Variants in SRBD1 observed in about 807,000 individuals in gnomAD.
SRBD1 encodes the protein S1 RNA-binding domain-containing protein 1.
In SRBD1, 88 loss-of-function variants were observed where a neutral mutation model predicts 115.3. The ratio of observed to expected loss-of-function variants is 0.76; its 90% CI spans 0.64 to 0.91. The LOEUF is 0.91. Ranked by LOEUF, SRBD1 falls within the 40% of genes least tolerant of loss-of-function variation. The probability of loss-of-function intolerance (pLI) is 0.00; values close to 1 mark genes in which losing one functional copy is unlikely to be tolerated. For synonymous variants in SRBD1, 509 were observed against 407.7 expected, an observed-to-expected ratio of 1.25 and a Z score of -2.99; for missense variants, 1,385 against 1,177.4, an observed-to-expected ratio of 1.18 and a Z score of -2.58.
intron 1 of SRBD1, among the ~76,000 whole-genome samples, chr2:45,606,884 T>G (rs1005064159): frequency 6.6e-6 from 1 of 152,240 alleles, no homozygotes; most frequent in African/African-American, 2.4e-5. Flanking sequence ...CCCAGTCATA[T>G]GTTATAATGC....
At chr2:45,517,963 T>C (rs369113293) in intron 14 of SRBD1, among the ~76,000 whole-genome samples, 1 of 152,158 alleles carries the variant, frequency 6.6e-6, no homozygotes, top group South Asian at 2.1e-4. Flanking sequence ...ACTGCACCAC[T>C]GCACTGCAGC....
intron 16 of SRBD1, among the ~76,000 whole-genome samples, chr2:45,465,129 T>C (rs1170526209): frequency 1.3e-5 from 2 of 151,852 alleles, no homozygotes; most frequent in Non-Finnish European, 2.9e-5. Flanking sequence ...GGCCCTGATA[T>C]AAAACGGTGT....
intron 14 of SRBD1, among the ~76,000 whole-genome samples, chr2:45,523,960 C>G (rs762307009): frequency 6.6e-6 from 1 of 151,940 alleles, no homozygotes; most frequent in Admixed American, 6.6e-5. Context: ...ACACCATCAC[C>G]AAGTGGGATT....
chr2:45,504,076 T>G (rs1197328779), intron 14 of SRBD1, among the ~76,000 whole-genome samples: 6 of 152,214 alleles, frequency 3.9e-5, no homozygotes, highest in Non-Finnish European at 8.8e-5. Context: ...TTCCAATTCA[T>G]GGATCTTATT....
intron 16 of SRBD1, among the ~76,000 whole-genome samples, chr2:45,461,623 C>A (rs890202696): frequency 1.3e-5 from 2 of 152,154 alleles, no homozygotes; most frequent in Non-Finnish European, 2.9e-5. Context: ...CCATAACTGA[C>A]GCCGCCCCTA....
intron 14 of SRBD1, among the ~76,000 whole-genome samples, chr2:45,545,311 A>AAAAAC (rs1558468105): frequency 2.9e-4 from 41 of 143,710 alleles, no homozygotes; most frequent in African/African-American, 1.0e-3. Flanking sequence ...AAAAAAAAAA[A>AAAAAC]AAAACAGATG....
At chr2:45,554,158 G>A (rs1479595053) in intron 10 of SRBD1, among the ~76,000 whole-genome samples, 1 of 152,188 alleles carries the variant, frequency 6.6e-6, no homozygotes. Flanking sequence ...GGGCTCTCAG[G>A]ATGGAATCAG....
At chr2:45,594,229 T>A (rs1040409786) in intron 4 of SRBD1, among the ~76,000 whole-genome samples, 5 of 152,200 alleles carry the variant, frequency 3.3e-5, no homozygotes, top group African/African-American at 1.2e-4. Flanking sequence ...TGTCATCCCA[T>A]GGCTTTCTTC....
At chr2:45,466,726 T>A (rs565292574) in intron 16 of SRBD1, among the ~76,000 whole-genome samples, 6 of 152,236 alleles carry the variant, frequency 3.9e-5, no homozygotes, top group Non-Finnish European at 8.8e-5. Flanking sequence ...GATTTTTGCT[T>A]CTTCAAACTC....
At chr2:45,460,479 A>G (rs11688886) in intron 16 of SRBD1, among the ~76,000 whole-genome samples, 8,665 of 152,240 alleles carry the variant, frequency 0.057, 344 homozygotes, top group East Asian at 0.18. Flanking sequence ...GCACATAGCA[A>G]GCAGGCACAG....
chr2:45,555,485 A>AC (rs1253990405), intron 10 of SRBD1, among the ~76,000 whole-genome samples: 43 of 133,958 alleles, frequency 3.2e-4, no homozygotes, highest in African/African-American at 1.2e-3. Context: ...CAATCATTAA[A>AC]CCCTTTTTTT....
At chr2:45,607,266 G>T (rs1558510326) in intron 1 of SRBD1, among the ~76,000 whole-genome samples, 1 of 152,158 alleles carries the variant, frequency 6.6e-6, no homozygotes, top group Non-Finnish European at 1.5e-5. Context: ...TATGACAAGG[G>T]TGGCATTTAA....
At chr2:45,596,760 G>A (rs1217888771) in intron 4 of SRBD1, among the ~76,000 whole-genome samples, 2 of 152,138 alleles carry the variant, frequency 1.3e-5, no homozygotes, top group African/African-American at 4.8e-5. Context: ...TTAAAGATCT[G>A]TAAACCAACA....
At chr2:45,550,110 A>C (rs1050467989) in intron 12 of SRBD1, among the ~76,000 whole-genome samples, 2 of 152,166 alleles carry the variant, frequency 1.3e-5, no homozygotes, top group Non-Finnish European at 2.9e-5. Flanking sequence ...ATCAAATGGA[A>C]ATTCTAAAAC....
At chr2:45,472,065 T>C (rs1209537269) in intron 16 of SRBD1, among the ~76,000 whole-genome samples, 1 of 152,120 alleles carries the variant, frequency 6.6e-6, no homozygotes, top group East Asian at 1.9e-4. Context: ...TTGAAAGGTA[T>C]AAATAATCCA....
At position 45,414,564 on chromosome 2, in the gene SRBD1, C is replaced by CACACATAGTGTGTATATAGTGTGTGTGT. The variant is rs1667715010; in HGVS notation, c.2334-1299_2334-1272dup. Among the ~76,000 whole-genome samples the CACACATAGTGTGTATATAGTGTGTGTGT allele has an allele frequency of 4.7e-5, 7 of 148,898 alleles. No homozygotes were observed. In the South Asian group the frequency reaches 8.6e-4, roughly 18 times the overall value. On this transcript the variant is annotated intron_variant, in intron 18 of 20. Coordinates refer to ENST00000263736, the MANE Select transcript of SRBD1 (RefSeq NM_018079.5). The stretch of plus-strand genomic sequence containing the variant: ...ACACATAGTGTCTGTAGTGTGTGTA[C>CACACATAGTGTGTATATAGTGTGTGTGT]ACACATAGTGTGTATATAGTGTGTG...
At chr2:45,472,401 T>C (rs1177124320) in intron 16 of SRBD1, among the ~76,000 whole-genome samples, 56 of 152,222 alleles carry the variant, frequency 3.7e-4, no homozygotes, top group Non-Finnish European at 5.9e-5. Context: ...ATGACTATAC[T>C]AAAAAAATCA....
chr2:45,547,638 A>G, intron 12 of SRBD1, 26 bp from the exon 13 acceptor site: 1 of 1,570,388 alleles, frequency 6.4e-7, no homozygotes, highest in Admixed American at 1.8e-5. Context: ...AGAATAAGCC[A>G]TTTTATAAGA....
intron 15 of SRBD1, among the ~76,000 whole-genome samples, chr2:45,479,316 C>A (rs950283983): frequency 1.3e-5 from 2 of 152,062 alleles, no homozygotes; most frequent in South Asian, 4.1e-4. Context: ...GAAGCTTATT[C>A]AAAAGACATG....
Sources: allele counts gnomAD v4.1 joint callset (sites outside exome capture counted in the v4.1 genomes callset), GRCh38; gene constraint gnomAD v4.1.1; transcripts MANE v1.5; gene names NCBI Gene and HGNC (gene_info 2026-07-23, HGNC 2026-07-21).